The following FBLN2 variants were observed in gnomAD, a reference collection of about 807,000 sequenced individuals.
The protein encoded by FBLN2 is fibulin-2.
FBLN2 carries 81 observed loss-of-function variants against 123.7 expected under a neutral mutation model. The ratio of observed to expected loss-of-function variants is 0.65; its 90% CI spans 0.55 to 0.79. The LOEUF (loss-of-function observed/expected upper bound fraction) is 0.79, where lower values mean the gene tolerates loss of function less well. Ranked by LOEUF, FBLN2 falls within the 30% of genes least tolerant of loss-of-function variation. The pLI is 0.00. For synonymous variants in FBLN2, 699 were observed against 701.4 expected (o/e 1.00, Z 0.05); for missense variants, 1,603 against 1,681.3 (o/e 0.95, Z 0.81).
chr3:13,618,047 T>C (rs1332324649), intron 5 of FBLN2, 29 bp from the exon 6 acceptor site: 1 of 1,608,132 alleles, frequency 6.2e-7, no homozygotes, highest in African/African-American at 1.3e-5. Flanking sequence ...CCAAGCTGGC[T>C]CTGTCTTGAG....
At chr3:13,621,984 A>G in intron 9 of FBLN2, 69 bp downstream of exon 9, 2 of 1,549,906 alleles carry the variant, frequency 1.3e-6, no homozygotes, top group Non-Finnish European at 1.7e-6. Context: ...AGCCCACCAC[A>G]CTGTGGCCAC....
chr3:13,619,340 G>A (rs1156371754), intron 7 of FBLN2, among the ~76,000 whole-genome samples: 9 of 152,128 alleles, frequency 5.9e-5, no homozygotes, highest in Non-Finnish European at 1.0e-4. Context: ...TGTGTTCAGC[G>A]CTGTGTAGAA....
intron 9 of FBLN2, among the ~76,000 whole-genome samples, chr3:13,622,419 G>A (rs1705885973): frequency 6.6e-6 from 1 of 152,234 alleles, no homozygotes; most frequent in Non-Finnish European, 1.5e-5. Context: ...CCGTGAGCAT[G>A]CTACAACAGC....
chr3:13,576,719 A>G (rs1206956492), intron 2 of FBLN2, among the ~76,000 whole-genome samples: 4 of 110,808 alleles, frequency 3.6e-5, no homozygotes, highest in African/African-American at 9.7e-5. Context: ...GGTCAGGGGG[A>G]TCCCCCCCCC....
chr3:13,614,973 TATCCATCC>T (rs56688853), intron 5 of FBLN2, among the ~76,000 whole-genome samples: 16,376 of 143,152 alleles, frequency 0.11, 1,844 homozygotes, highest in African/African-American at 0.3. Context: ...TCCATCTGCT[TATCCATCC>T]ATCCATCCAT....
At chr3:13,561,692 C>T (rs115199083) in intron 1 of FBLN2, among the ~76,000 whole-genome samples, 2,623 of 152,320 alleles carry the variant, frequency 0.017, 77 homozygotes, top group African/African-American at 0.06. Flanking sequence ...TCTGTCACAA[C>T]GCCCTTATCT....
chr3:13,617,990 A>G, intron 5 of FBLN2, 86 bp from the exon 6 acceptor site: 2 of 1,176,384 alleles, frequency 1.7e-6, no homozygotes, highest in African/African-American at 1.5e-5. Flanking sequence ...CTTGATGAGG[A>G]CCTGCACTAG....
At chr3:13,597,492 C>A (rs924112435) in intron 2 of FBLN2, among the ~76,000 whole-genome samples, 2 of 152,176 alleles carry the variant, frequency 1.3e-5, no homozygotes, top group African/African-American at 4.8e-5. Context: ...TGTTGAGTCT[C>A]ACATGAAAGG....
intron 5 of FBLN2, among the ~76,000 whole-genome samples, chr3:13,617,160 A>G (rs537770737): frequency 1.7e-4 from 25 of 151,420 alleles, no homozygotes; most frequent in Non-Finnish European, 2.5e-4. Flanking sequence ...CCATCCATCC[A>G]TCCATCCATC....
chr3:13,579,654 C>T (rs569260923), intron 2 of FBLN2, among the ~76,000 whole-genome samples: 8 of 152,356 alleles, frequency 5.3e-5, no homozygotes, highest in African/African-American at 1.9e-4. Flanking sequence ...CCGTGGTGCC[C>T]CACAGCATGC....
Position 13,598,228 on chromosome 3 carries a change from C to T in FBLN2, c.1307-9834C>T, listed in dbSNP as rs186007076. Among the ~76,000 whole-genome samples the T allele has an allele frequency of 3.2e-3, 484 of 152,338 alleles. 1 individual carries two copies. The highest frequency in any genetic ancestry group is 6.8e-3 in the Middle Eastern group (2 of 294). ...CAAGCGTCTTTTATGTGCCAGGAGA[C>T]AGGAGGCTGTGTTTACTGAGTACCA... On this transcript the variant is annotated intron_variant, in intron 2 of 17. Coordinates refer to ENST00000404922, the MANE Select transcript of FBLN2 (RefSeq NM_001004019.2).
rs1439555388 is a variant in FBLN2 at position 13,629,184 on chromosome 3, G to A, written c.2734G>A (p.Gly912Ser). ...CACAGACGTGAATGAGTGTGAGACAGGTGTGCACCGCTGCGGTGAGGGCCA... is the reference window on the plus strand; with the variant it reads ...CACAGACGTGAATGAGTGTGAGACAAGTGTGCACCGCTGCGGTGAGGGCCA... ...KCVDVNECET[G>S]VHRCGEGQVC... The change falls in exon 13 of 18, where the codon GGT becomes AGT. Residue 912 changes from glycine to serine, a missense_variant. By Grantham distance (56) the Gly-to-Ser change is moderately conservative. Transcript: ENST00000404922. 6.2e-7 allele frequency: 1 copy of A among 1,613,122 alleles called. No homozygotes were observed. Among genetic ancestry groups the A allele is most frequent in the Non-Finnish European group, 8.5e-7 (1 of 1,179,700 alleles).
intron 16 of FBLN2, among the ~76,000 whole-genome samples, chr3:13,636,147 A>C (rs9880803): frequency 0.67 from 102,119 of 152,166 alleles, 34,581 homozygotes; most frequent in East Asian, 0.89. Flanking sequence ...GAAGGAGCTT[A>C]GAGAGGCCAG....
At chr3:13,586,478 T>TG (rs1366527903) in intron 2 of FBLN2, among the ~76,000 whole-genome samples, 4 of 148,694 alleles carry the variant, frequency 2.7e-5, no homozygotes, top group African/African-American at 1.0e-4. Context: ...CCACCACGCC[T>TG]GGCGTATGTC....
intron 2 of FBLN2, among the ~76,000 whole-genome samples, chr3:13,602,011 C>T (rs1705050202): frequency 6.6e-6 from 1 of 152,202 alleles, no homozygotes; most frequent in Non-Finnish European, 1.5e-5. Flanking sequence ...TCAGGCTGGT[C>T]TCAAACTACT....
At chr3:13,569,110 C>T (rs1204085426) in intron 1 of FBLN2, 3 of 965,098 alleles carry the variant, frequency 3.1e-6, no homozygotes, top group African/African-American at 1.8e-5. Flanking sequence ...AGTGGGGCTA[C>T]AGGCACTGGG....
At chr3:13,572,803 C>A (rs1169416890) in intron 2 of FBLN2, among the ~76,000 whole-genome samples, 1 of 152,228 alleles carries the variant, frequency 6.6e-6, no homozygotes, top group East Asian at 1.9e-4. Context: ...ACAGCCCCCA[C>A]GAGGCTGACC....
At chr3:13,633,794 G>A (rs1575003613) in intron 16 of FBLN2, among the ~76,000 whole-genome samples, 2 of 152,140 alleles carry the variant, frequency 1.3e-5, no homozygotes, top group East Asian at 3.9e-4. Flanking sequence ...ATGAAGGTAG[G>A]GCCCTATCTG....
chr3:13,596,198 C>T (rs776801243), intron 2 of FBLN2, among the ~76,000 whole-genome samples: 1 of 152,154 alleles, frequency 6.6e-6, no homozygotes, highest in Admixed American at 6.6e-5. Flanking sequence ...AGGGCAGTGG[C>T]GTGATCACTG....
Sources: gnomAD v4.1 joint callset for allele counts (sites outside exome capture counted in the v4.1 genomes callset) on GRCh38, gnomAD v4.1.1 for gene constraint, MANE v1.5 for transcripts, NCBI Gene and HGNC (gene_info 2026-07-23, HGNC 2026-07-21) for gene names.